Variants in SRCAP observed in about 807,000 individuals in gnomAD.
The protein encoded by SRCAP is Snf2 related CREBBP activator protein, also known as chromatin remodeling protein SRCAP.
Under a neutral mutation model 263.1 loss-of-function variants are expected in SRCAP, and 46 were observed. That is an observed-to-expected ratio of 0.17 (90% confidence interval 0.14 to 0.22). SRCAP has a LOEUF of 0.22. Ranked by LOEUF, SRCAP falls within the 10% of genes least tolerant of loss-of-function variation. The pLI, the probability that SRCAP is intolerant of heterozygous loss-of-function variation, is 1.00. For synonymous variants in SRCAP, 1,813 were observed against 1,662.1 expected (o/e 1.09, Z -2.21); for missense variants, 3,695 against 4,181.9 (o/e 0.88, Z 3.21).
At position 30,724,058 on chromosome 16, in the gene SRCAP, G is replaced by T. The variant is rs1244173924; in HGVS notation, c.4634G>T (p.Cys1545Phe). Residue 1545 changes from cysteine (C) to phenylalanine (F), a missense_variant, in exon 25 of 34, where the codon TGC (cysteine) becomes TTC (phenylalanine). Physicochemically the swap from Cys to Phe is radical, Grantham distance 205. Around this residue, in one of 12 missense-constraint regions of SRCAP, gnomAD observed 1,347 missense variants for 1,304.4 expected, o/e 1.03. Coordinates refer to ENST00000262518, the MANE Select transcript of SRCAP (RefSeq NM_006662.3). ...TTGAACTCAACCGTGGCCCCAGCAT[G>T]CTCACCTGTCCTGGTGCCAGCTTCG... ...PGLNSTVAPA[C>F]SPVLVPASAL... 2.5e-6 allele frequency: 4 copies of T among 1,613,542 alleles called. No individual in the cohort carries two copies. The highest frequency in any genetic ancestry group is 3.4e-6 in the Non-Finnish European group (4 of 1,180,018).
chr16:30,730,679 C>T (rs1238376402), intron 27 of SRCAP, among the ~76,000 whole-genome samples: 1 of 151,588 alleles, frequency 6.6e-6, no homozygotes. Context: ...ATCTGCCCAC[C>T]TTGGCCTCCC....
At chr16:30,699,480 T>C (rs1488427147) in intron 1 of SRCAP, among the ~76,000 whole-genome samples, 1 of 152,142 alleles carries the variant, frequency 6.6e-6, no homozygotes, top group African/African-American at 2.4e-5. Context: ...GTATGGGATA[T>C]ACAGCGCCCT....
rs946365316 is a variant in SRCAP, at chr16:30,728,313, TAATC to T, written c.5659-651_5659-648del. Among the ~76,000 whole-genome samples the T allele has an allele frequency of 3.5e-4, 54 of 152,326 alleles. 1 individual carries two copies. The highest frequency in any genetic ancestry group is 1.1e-3 in the African/African-American group (47 of 41,566). ...GTGTAGTGGATAGATATTAGTTAAA[TAATC>T]ATACAGATGTGTAACTACAAGCATA... On this transcript the variant is annotated intron_variant, in intron 25 of 33. Coordinates refer to ENST00000262518, the MANE Select transcript of SRCAP (RefSeq NM_006662.3).
intron 7 of SRCAP, 55 bp downstream of exon 7, chr16:30,709,790 A>T: frequency 6.2e-7 from 1 of 1,613,406 alleles, no homozygotes; most frequent in Non-Finnish European, 8.5e-7. Context: ...TCCAGAGCTG[A>T]AAAACCCACC....
At chr16:30,735,517 TAAGAG>T (rs1297918980) in intron 31 of SRCAP, among the ~76,000 whole-genome samples, 2 of 150,946 alleles carry the variant, frequency 1.3e-5, no homozygotes, top group Non-Finnish European at 2.9e-5. Context: ...TATTTCCACT[TAAGAG>T]AAGTGTTTAA....
In SRCAP at chr16:30,737,786, T is replaced by A. The variant is rs766580224; in HGVS notation, c.7746T>A (p.Pro2582=). 13 of 1,614,072 alleles carry A rather than the reference T, an allele frequency of 8.1e-6. No individual in the cohort carries two copies. The African/African-American group carries it at 1.7e-4, about 22-fold the overall frequency. ...CCTCCTCACTTTCTCTTGTGCCCCCTAAAGATCTGTTGCCAGTTGCTGTGG... is the reference window on the plus strand; with the variant it reads ...CCTCCTCACTTTCTCTTGTGCCCCCAAAAGATCTGTTGCCAGTTGCTGTGG... ...SETSSLSLVP[P]KDLLPVAVEI... The change falls in exon 34 of 34, where the codon CCT becomes CCA. Residue 2582 remains proline, a synonymous_variant. Coordinates refer to ENST00000262518, the MANE Select transcript of SRCAP (RefSeq NM_006662.3).
In SRCAP at chr16:30,700,779, C is replaced by G. The variant is rs1348331086; in HGVS notation, c.-46C>G. The G allele has an allele frequency of 6.3e-7, 1 of 1,580,550 alleles. No homozygotes were observed. The highest frequency in any genetic ancestry group is 1.7e-5 in the Admixed American group (1 of 59,674). On this transcript the variant is annotated 5_prime_UTR_variant, in exon 3 of 34. Transcript: ENST00000262518. ...CGGCCAGCAGTACTGGTGATAACAA[C>G]CCAGTCATTCTTCAGGCATCCAAGG... is the stretch of plus-strand genomic sequence containing the variant.
chr16:30,724,062 A>G lies in SRCAP; in HGVS notation c.4638A>G (p.Ser1546=). 6.2e-7 allele frequency: 1 copy of G among 1,613,442 alleles called. No homozygotes were observed. Among genetic ancestry groups the G allele is most frequent in the Non-Finnish European group, 8.5e-7 (1 of 1,179,942 alleles). ...GLNSTVAPAC[S]PVLVPASALA... ...ACTCAACCGTGGCCCCAGCATGCTC[A>G]CCTGTCCTGGTGCCAGCTTCGGCTC... Residue 1546 remains serine, a synonymous_variant, in exon 25 of 34, where the codon TCA becomes TCG. Transcript: ENST00000262518.
chr16:30,716,241 T>G (rs558419963), intron 17 of SRCAP, 39 bp downstream of exon 17: 1 of 1,613,506 alleles, frequency 6.2e-7, no homozygotes, highest in Admixed American at 1.7e-5. Flanking sequence ...GACTCGAGAT[T>G]GGAGTGTAGG....
At chr16:30,721,590 C>G in intron 21 of SRCAP, 114 bp downstream of exon 21, 1 of 1,400,964 alleles carries the variant, frequency 7.1e-7, no homozygotes, top group East Asian at 2.4e-5. Context: ...GCCTATAATC[C>G]CGGTGCTTTG....
intron 27 of SRCAP, 71 bp downstream of exon 27, chr16:30,729,643 G>A: frequency 6.4e-7 from 1 of 1,562,714 alleles, no homozygotes; most frequent in Non-Finnish European, 8.8e-7. Context: ...TTGTATCAGA[G>A]GGATGCTGCA....
rs1429007672 is a variant in SRCAP, at chr16:30,739,102, A to G, written c.9062A>G (p.Gln3021Arg). 6.2e-7 allele frequency: 1 copy of G among 1,614,210 alleles called. No homozygotes were observed. The highest frequency in any genetic ancestry group is 8.5e-7 in the Non-Finnish European group (1 of 1,180,044). ...AATCCTCCATCACCTCGGCCCAGCC[A>G]GCTCCCCGTCTTGGACCGTGACAGC... Reference protein sequence around the residue: ...PKNPPSPRPSQLPVLDRDSTS... With the variant: ...PKNPPSPRPSRLPVLDRDSTS... The change falls in exon 34 of 34, where the codon CAG (glutamine) becomes CGG (arginine). Residue 3021 changes from glutamine to arginine, a missense_variant. Physicochemically the swap from Gln to Arg is conservative, Grantham distance 43 (BLOSUM62 1). Coordinates refer to ENST00000262518, the MANE Select transcript of SRCAP (RefSeq NM_006662.3).
At position 30,723,879 on chromosome 16, in the gene SRCAP, A is replaced by G. The variant is rs755743742; in HGVS notation, c.4455A>G (p.Pro1485=). The G allele has an allele frequency of 2.5e-6, 4 of 1,614,010 alleles. No individual in the cohort carries two copies. Among genetic ancestry groups the G allele is most frequent in the Non-Finnish European group, 3.4e-6 (4 of 1,180,000 alleles). Residue 1485 remains proline (P), a synonymous_variant, in exon 25 of 34, where the codon CCA becomes CCG. Coordinates refer to ENST00000262518, the MANE Select transcript of SRCAP (RefSeq NM_006662.3). The part of the protein sequence containing the change: ...SVTPPLAPVV[P]AAPGPPSLAP... ...CTCCACCATTGGCACCTGTTGTCCC[A>G]GCGGCTCCTGGACCTCCCTCCTTGG...
In SRCAP at chr16:30,700,753, T is replaced by G; in HGVS notation, c.-72T>G. 6.8e-7 allele frequency: 1 copy of G among 1,460,456 alleles called. No homozygotes were observed. Among genetic ancestry groups the G allele is most frequent in the Non-Finnish European group, 9.5e-7 (1 of 1,050,550 alleles). The allele number at this position is 1,460,456 out of a possible 1,614,324, so 90.5% of individuals were successfully genotyped here. A position where few individuals can be genotyped will look rare whatever the true frequency, so the allele number is the denominator to read the frequency against. Reference sequence around the variant, plus strand: ...TGCCCTGCAGCCGGACGCCAGCCCCTCGGCCAGCAGTACTGGTGATAACAA... The same window carrying G: ...TGCCCTGCAGCCGGACGCCAGCCCCGCGGCCAGCAGTACTGGTGATAACAA... On this transcript the variant is annotated 5_prime_UTR_variant, in exon 3 of 34. Coordinates refer to ENST00000262518, the MANE Select transcript of SRCAP (RefSeq NM_006662.3).
intron 24 of SRCAP, 81 bp downstream of exon 24, chr16:30,723,310 G>C: frequency 6.6e-7 from 1 of 1,514,758 alleles, no homozygotes. Context: ...CTTAGTTTTA[G>C]TACAGGTTTT....
In SRCAP at chr16:30,723,674, T is replaced by C; in HGVS notation, c.4250T>C (p.Ile1417Thr). The C allele has an allele frequency of 6.2e-7, 1 of 1,613,842 alleles. No homozygotes were observed. Among genetic ancestry groups the C allele is most frequent in the Non-Finnish European group, 8.5e-7 (1 of 1,179,826 alleles). The change falls in exon 25 of 34, where the codon ATT (isoleucine) becomes ACT (threonine). Residue 1417 changes from isoleucine to threonine, a missense_variant. Ile to Thr is a moderately conservative substitution (Grantham distance 89, BLOSUM62 -1). This residue lies in a region of SRCAP where 1,347 missense variants were observed against 1,304.4 expected (regional missense o/e 1.03). Coordinates refer to ENST00000262518, the MANE Select transcript of SRCAP (RefSeq NM_006662.3). ...LPGPASSPMPIPNSSPLASPV... is the reference protein window; with the variant it reads ...LPGPASSPMPTPNSSPLASPV... ...GGGCCAGCCTCTTCTCCAATGCCAA[T>C]TCCCAACTCCTCTCCCCTTGCTAGT... is the stretch of plus-strand genomic sequence containing the variant.
At chr16:30,726,894 G>T (rs2053069621) in intron 25 of SRCAP, among the ~76,000 whole-genome samples, 2 of 152,130 alleles carry the variant, frequency 1.3e-5, no homozygotes, top group Admixed American at 1.3e-4. Context: ...TAGAGATGGG[G>T]TTTCACCATG....
At chr16:30,714,449 T>C (rs1406656972) in intron 16 of SRCAP, among the ~76,000 whole-genome samples, 2 of 151,204 alleles carry the variant, frequency 1.3e-5, no homozygotes, top group Non-Finnish European at 2.9e-5. Flanking sequence ...GACCTCGTGA[T>C]CTGCCTGCCT....
intron 18 of SRCAP, among the ~76,000 whole-genome samples, chr16:30,718,148 T>C (rs1188899607): frequency 2.6e-5 from 4 of 151,708 alleles, no homozygotes; most frequent in Non-Finnish European, 5.9e-5. Context: ...CCTGGGATTA[T>C]AGGCGTGAGC....
Sources: gnomAD v4.1 joint callset for allele counts (sites outside exome capture counted in the v4.1 genomes callset) on GRCh38, gnomAD v4.1.1 for gene constraint, gnomAD v4.1.1 regional missense constraint, MANE v1.5 for transcripts, NCBI Gene and HGNC (gene_info 2026-07-23, HGNC 2026-07-21) for gene names.